The following LINC01488 variants were observed in gnomAD, a reference collection of about 807,000 sequenced individuals.
LINC01488 encodes the protein CCND1-upstream intergenic DNA repair 1.
chr11:69,487,629 G>A (rs1459384856), intron 1 of LINC01488, among the ~76,000 whole-genome samples: 1 of 152,186 alleles, frequency 6.6e-6, no homozygotes, highest in Non-Finnish European at 1.5e-5. Flanking sequence ...GATTTCTTGT[G>A]GGTCGTGGAA....
chr11:69,484,273 C>T lies in LINC01488; in HGVS notation n.122+2490C>T, dbSNP rs375745043. On this transcript the variant is annotated intron_variant and non_coding_transcript_variant, in intron 1 of 3. Transcript: ENST00000644563. ...TGGGAGAAGGAGAGTCAGCGCTGCC[C>T]GGTGAGAGGACACAGAGGCTCTGTG... Among the ~76,000 whole-genome samples the T allele has an allele frequency of 2.7e-3, 405 of 152,260 alleles. 1 individual carries two copies. Among genetic ancestry groups the T allele is most frequent in the African/African-American group, 9.2e-3 (383 of 41,530 alleles).
chr11:69,487,693 G>A (rs1473618822), intron 1 of LINC01488, among the ~76,000 whole-genome samples: 1 of 152,186 alleles, frequency 6.6e-6, no homozygotes, highest in East Asian at 1.9e-4. Context: ...CCAGGCAGGT[G>A]TGGGTGGGTG....
chr11:69,490,190 G>A (rs1259107749), intron 1 of LINC01488, among the ~76,000 whole-genome samples: 1 of 152,200 alleles, frequency 6.6e-6, no homozygotes, highest in Non-Finnish European at 1.5e-5. Context: ...ATCATCCCAG[G>A]CACATCTGGG....
At chr11:69,489,839 C>T (rs1857190354) in intron 1 of LINC01488, among the ~76,000 whole-genome samples, 1 of 152,238 alleles carries the variant, frequency 6.6e-6, no homozygotes, top group African/African-American at 2.4e-5. Context: ...GGCCTTCCAC[C>T]TTGCCCTCTG....
chr11:69,490,151 C>T (rs1376281778), intron 1 of LINC01488, among the ~76,000 whole-genome samples: 1 of 152,210 alleles, frequency 6.6e-6, no homozygotes, highest in Non-Finnish European at 1.5e-5. Flanking sequence ...TTGGTCCAGG[C>T]CCCAGGGTTG....
intron 1 of LINC01488, among the ~76,000 whole-genome samples, chr11:69,484,292 C>T (rs1857080771): frequency 6.6e-6 from 1 of 152,192 alleles, no homozygotes; most frequent in Non-Finnish European, 1.5e-5. Flanking sequence ...GACACAGAGG[C>T]TCTGTGGGAG....
chr11:69,490,297 G>T (rs1018013455), intron 1 of LINC01488, among the ~76,000 whole-genome samples: 2 of 152,226 alleles, frequency 1.3e-5, no homozygotes, highest in Non-Finnish European at 2.9e-5. Context: ...TGGCAGGACT[G>T]CGGAGGCGTG....
At chr11:69,492,741 CA>C (rs1857243736) in exon 4 of LINC01488, 1 of 152,124 alleles carries the variant, frequency 6.6e-6, no homozygotes, top group Non-Finnish European at 1.5e-5. Context: ...GTATTTGTCA[CA>C]GCAGCCATAG....
intron 1 of LINC01488, among the ~76,000 whole-genome samples, chr11:69,483,011 G>T (rs867656537): frequency 1.3e-5 from 2 of 152,138 alleles, no homozygotes; most frequent in Non-Finnish European, 2.9e-5. Context: ...TACATTCCGG[G>T]GTCCTGGGAG....
exon 3 of LINC01488, chr11:69,491,176 G>A (rs868121284): frequency 4.6e-5 from 7 of 152,364 alleles, no homozygotes; most frequent in Non-Finnish European, 1.0e-4. Flanking sequence ...CAGTGGGAGA[G>A]GCGAGCTGGC....
chr11:69,491,008 T>C (rs1458589003), intron 2 of LINC01488: 1 of 152,236 alleles, frequency 6.6e-6, no homozygotes, highest in Non-Finnish European at 1.5e-5. Context: ...TCGTTTCTTT[T>C]TTATCCACTT....
intron 1 of LINC01488, among the ~76,000 whole-genome samples, chr11:69,482,018 G>A (rs1857052487): frequency 2.0e-5 from 3 of 152,128 alleles, no homozygotes; most frequent in Admixed American, 1.3e-4. Flanking sequence ...TGGATGGATG[G>A]ATGGATGGAT....
At chr11:69,490,584 GC>G (rs1486999303) in intron 2 of LINC01488, 5 of 152,206 alleles carry the variant, frequency 3.3e-5, no homozygotes, top group African/African-American at 4.8e-5. Context: ...CCTGAGGCGG[GC>G]TCAAAAGCTG....
chr11:69,487,883 TC>T (rs2134971597), intron 1 of LINC01488: 1 of 152,266 alleles, frequency 6.6e-6, no homozygotes, highest in Non-Finnish European at 1.5e-5. Flanking sequence ...TGCCTCTTTG[TC>T]CCTTGTCCTC....
intron 1 of LINC01488, among the ~76,000 whole-genome samples, chr11:69,483,965 G>A (rs1381255480): frequency 1.3e-5 from 2 of 152,208 alleles, no homozygotes; most frequent in African/African-American, 2.4e-5. Flanking sequence ...GCCCCGCAGG[G>A]GCAGGCGGGC....
At chr11:69,488,461 C>A (rs1403799530) in intron 1 of LINC01488, among the ~76,000 whole-genome samples, 1 of 152,246 alleles carries the variant, frequency 6.6e-6, no homozygotes, top group Non-Finnish European at 1.5e-5. Flanking sequence ...CTCCCGCCAC[C>A]CCAGCTGCTC....
chr11:69,483,236 C>T (rs1217985189), intron 1 of LINC01488, among the ~76,000 whole-genome samples: 2 of 152,132 alleles, frequency 1.3e-5, no homozygotes, highest in Admixed American at 1.3e-4. Flanking sequence ...ATCAGGACTC[C>T]GAGTCCTCTG....
chr11:69,490,201 G>A (rs1857196832), intron 1 of LINC01488, among the ~76,000 whole-genome samples: 1 of 152,190 alleles, frequency 6.6e-6, no homozygotes, highest in African/African-American at 2.4e-5. Context: ...CACATCTGGG[G>A]CAAGAGGCCC....
chr11:69,492,119 G>A (rs1296262039), exon 4 of LINC01488: 2 of 152,302 alleles, frequency 1.3e-5, no homozygotes, highest in South Asian at 4.1e-4. Flanking sequence ...TGGCTGCTGG[G>A]ATGAGAAGAG....
Sources: gnomAD v4.1 joint callset for allele counts (sites outside exome capture counted in the v4.1 genomes callset) on GRCh38, gnomAD v4.1.1 for gene constraint, MANE v1.5 for transcripts, NCBI Gene and HGNC (gene_info 2026-07-23, HGNC 2026-07-21) for gene names.